The following ENPP3 variants were observed in gnomAD, a reference collection of about 807,000 sequenced individuals.
ENPP3 encodes ectonucleotide pyrophosphatase/phosphodiesterase 3, also known as ectonucleotide pyrophosphatase/phosphodiesterase family member 3.
ENPP3 carries 104 observed loss-of-function variants against 117.8 expected under a neutral mutation model. The ratio of observed to expected loss-of-function variants is 0.88; its 90% confidence interval spans 0.75 to 1.04. ENPP3 has a LOEUF of 1.04. ENPP3 is among the 50% of genes least tolerant of loss of function. ENPP3 has a pLI of 0.00. For synonymous variants in ENPP3, 380 were observed against 349.9 expected (o/e 1.09, Z -0.96); for missense variants, 1,026 against 1,051.9 (o/e 0.98, Z 0.34).
intron 15 of ENPP3, chr6:131,708,949 C>A: frequency 1.2e-6 from 2 of 1,601,662 alleles, no homozygotes; most frequent in Non-Finnish European, 8.5e-7. Context: ...AAGGCCAGGG[C>A]CAGTTGCTTC....
chr6:131,683,749 G>GTTTT (rs397940601), intron 12 of ENPP3, among the ~76,000 whole-genome samples: 54 of 126,580 alleles, frequency 4.3e-4, no homozygotes, highest in Middle Eastern at 4.8e-3. Flanking sequence ...CACTCTACAG[G>GTTTT]TTTTTTTTTT....
chr6:131,700,672 G>T, intron 15 of ENPP3: 1 of 1,559,464 alleles, frequency 6.4e-7, no homozygotes, highest in South Asian at 1.2e-5. Flanking sequence ...ATCACACAGA[G>T]GTGGGAGAAG....
At chr6:131,675,891 C>T (rs1267584012) in intron 9 of ENPP3, among the ~76,000 whole-genome samples, 2 of 152,072 alleles carry the variant, frequency 1.3e-5, no homozygotes, top group East Asian at 3.8e-4. Context: ...CCAATTATGG[C>T]ATTATTTTGC....
chr6:131,652,365 T>G (rs1195959394), intron 3 of ENPP3, among the ~76,000 whole-genome samples, 177 bp from the exon 4 acceptor site: 1 of 152,246 alleles, frequency 6.6e-6, no homozygotes, highest in African/African-American at 2.4e-5. Flanking sequence ...CTCTGCCACC[T>G]GGCTAGTGAA....
chr6:131,679,681 C>G (rs555864810), intron 11 of ENPP3, among the ~76,000 whole-genome samples: 2 of 152,038 alleles, frequency 1.3e-5, no homozygotes, highest in African/African-American at 4.8e-5. Context: ...TTAGGAGACT[C>G]TCCTCTGAGT....
rs1463665365 is a variant in ENPP3 at position 131,683,070 on chromosome 6, A to G, written c.1028A>G (p.Gln343Arg). 6.2e-7 allele frequency: 1 copy of G among 1,605,666 alleles called. No homozygotes were observed. The highest frequency in any genetic ancestry group is 8.5e-7 in the Non-Finnish European group (1 of 1,172,564). ...PVSARVIKAL[Q>R]VVDHAFGMLM... is the part of the protein sequence containing the mutation. The stretch of plus-strand genomic sequence containing the variant: ...ATTTTTCAGGTAATTAAAGCCTTAC[A>G]GGTAGTAGATCATGCTTTTGGGATG... Residue 343 changes from glutamine to arginine, a missense_variant, in exon 12 of 25, where the codon CAG becomes CGG. Gln to Arg is a conservative substitution (Grantham distance 43, BLOSUM62 1). Coordinates refer to ENST00000357639, the MANE Select transcript of ENPP3 (RefSeq NM_005021.5).
intron 19 of ENPP3, among the ~76,000 whole-genome samples, chr6:131,725,131 T>G (rs1780127643): frequency 6.6e-6 from 1 of 151,080 alleles, no homozygotes; most frequent in African/African-American, 2.4e-5. Context: ...GAGGCTGAGG[T>G]AGGAGAATCA....
chr6:131,672,119 G>T lies in ENPP3; in HGVS notation c.642+792G>T, dbSNP rs532624736. Reference sequence around the variant, plus strand: ...TGTAACCCCCAAATCAATAAGTATAGTGCATTTGTGGTCATTTGCAGCCAT... The same window carrying T: ...TGTAACCCCCAAATCAATAAGTATATTGCATTTGTGGTCATTTGCAGCCAT... On this transcript the variant is annotated intron_variant, in intron 7 of 24. Coordinates refer to ENST00000357639, the MANE Select transcript of ENPP3 (RefSeq NM_005021.5). Among the ~76,000 whole-genome samples the T allele has an allele frequency of 1.8e-4, 28 of 152,248 alleles. 1 individual carries two copies. The highest frequency in any genetic ancestry group is 1.5e-3 in the Admixed American group (23 of 15,292).
chr6:131,701,437 G>C, intron 15 of ENPP3: 3 of 1,467,600 alleles, frequency 2.0e-6, no homozygotes, highest in Non-Finnish European at 2.8e-6. Flanking sequence ...TAATGCTCAT[G>C]GTTTAGGAGA....
chr6:131,693,583 CA>C lies in ENPP3; in HGVS notation c.1374del (p.Val459PhefsTer62). 6.2e-7 allele frequency: 1 copy of C among 1,613,914 alleles called. No homozygotes were observed. The highest frequency in any genetic ancestry group is 8.5e-7 in the Non-Finnish European group (1 of 1,179,898). On this transcript the variant is annotated frameshift_variant, in exon 15 of 25. Coordinates refer to ENST00000357639, the MANE Select transcript of ENPP3 (RefSeq NM_005021.5). LOFTEE classifies it high-confidence loss of function. ...LHYAKNVRID[K>X]VHLFVDQQWL... ...ACTATGCCAAGAACGTCAGAATCGA[CA>C]AAGTTCATCTCTTTGTGGATCAACA...
At chr6:131,717,187 G>T (rs1206270356) in intron 15 of ENPP3, among the ~76,000 whole-genome samples, 1 of 151,946 alleles carries the variant, frequency 6.6e-6, no homozygotes, top group Non-Finnish European at 1.5e-5. Flanking sequence ...GGCCTGGTCA[G>T]ATTTGTGATT....
chr6:131,683,114 CA>C lies in ENPP3; in HGVS notation c.1073del (p.Gln358ArgfsTer29). On this transcript the variant is annotated frameshift_variant, in exon 12 of 25. Coordinates refer to ENST00000357639, the MANE Select transcript of ENPP3 (RefSeq NM_005021.5). LOFTEE classifies it high-confidence loss of function. The part of the protein sequence containing the change: ...AFGMLMEGLK[Q>X]RNLHNCVNII... ...TGGGATGTTGATGGAAGGCCTGAAG[CA>C]GCGGAATTTGCACAACTGTGTCAAT... The C allele has an allele frequency of 6.2e-7, 1 of 1,612,714 alleles. No individual in the cohort carries two copies. The highest frequency in any genetic ancestry group is 8.5e-7 in the Non-Finnish European group (1 of 1,178,816).
At chr6:131,695,028 T>C (rs1236567075) in intron 15 of ENPP3, among the ~76,000 whole-genome samples, 1 of 151,720 alleles carries the variant, frequency 6.6e-6, no homozygotes. Flanking sequence ...ACTGGTTCAC[T>C]AGATGGTGCT....
At chr6:131,684,318 C>G (rs915688595) in intron 12 of ENPP3, among the ~76,000 whole-genome samples, 2 of 152,108 alleles carry the variant, frequency 1.3e-5, no homozygotes, top group African/African-American at 4.8e-5. Flanking sequence ...AACACTTTGC[C>G]TTATTGTTTT....
intron 2 of ENPP3, among the ~76,000 whole-genome samples, chr6:131,645,919 C>G (rs908349655): frequency 1.3e-5 from 2 of 152,122 alleles, no homozygotes; most frequent in African/African-American, 4.8e-5. Flanking sequence ...AATTTACGCT[C>G]TTCAATTCTG....
At chr6:131,686,401 G>A (rs1435962481) in intron 14 of ENPP3, among the ~76,000 whole-genome samples, 1 of 152,116 alleles carries the variant, frequency 6.6e-6, no homozygotes, top group Non-Finnish European at 1.5e-5. Context: ...AATATTTTTG[G>A]AAGTACAATT....
chr6:131,641,674 A>G, intron 2 of ENPP3, 144 bp downstream of exon 2: 2 of 540,176 alleles, frequency 3.7e-6, no homozygotes, highest in Non-Finnish European at 6.7e-6. Context: ...TCCCCACTCT[A>G]CTTATCGGGA....
chr6:131,715,651 C>A (rs1585707870), intron 15 of ENPP3, among the ~76,000 whole-genome samples: 1 of 151,790 alleles, frequency 6.6e-6, no homozygotes, highest in East Asian at 1.9e-4. Flanking sequence ...CCAGGCAGAT[C>A]TCCAGGCATT....
At chr6:131,652,703 A>T (rs1017477083) in intron 4 of ENPP3, 36 bp downstream of exon 4, 1 of 1,613,004 alleles carries the variant, frequency 6.2e-7, no homozygotes, top group Non-Finnish European at 8.5e-7. Flanking sequence ...TGCCCCTGCG[A>T]GTTTAGAGGA....
Sources: allele counts gnomAD v4.1 joint callset (sites outside exome capture counted in the v4.1 genomes callset), GRCh38; gene constraint gnomAD v4.1.1; transcripts MANE v1.5; gene names NCBI Gene and HGNC (gene_info 2026-07-23, HGNC 2026-07-21).